The following ANXA8 variants were observed in gnomAD, a reference collection of about 807,000 sequenced individuals.
The protein encoded by ANXA8 is annexin A8, also known as VAC-beta.
Under a neutral mutation model 26.8 loss-of-function variants are expected in ANXA8, and 9 were observed. That is an observed-to-expected ratio of 0.34 (90% CI 0.20 to 0.59). The LOEUF (loss-of-function observed/expected upper bound fraction) is 0.59, where lower values mean the gene tolerates loss of function less well. Ranked by LOEUF, ANXA8 falls within the 20% of genes least tolerant of loss-of-function variation. The probability of loss-of-function intolerance (pLI) is 0.84; values close to 1 mark genes in which losing one functional copy is unlikely to be tolerated. For synonymous variants in ANXA8, 39 were observed against 94.8 expected (o/e 0.41, Z 3.42); for missense variants, 83 against 238.5 (o/e 0.35, Z 4.29).
chr10:47,637,525 A>T, the ANXA8 span, among the ~76,000 whole-genome samples: 1 of 143,592 alleles, frequency 7.0e-6, no homozygotes, highest in African/African-American at 2.8e-5. Context: ...AAAGCACATT[A>T]ATCTGGAAGC....
chr10:47,649,789 C>T, the ANXA8 span, among the ~76,000 whole-genome samples: 1 of 139,566 alleles, frequency 7.2e-6, no homozygotes, highest in African/African-American at 2.8e-5. Context: ...AGTACAGTGG[C>T]GCCATCATGG....
chr10:47,506,438 C>T, the ANXA8 span, among the ~76,000 whole-genome samples: 1 of 137,650 alleles, frequency 7.3e-6, no homozygotes, highest in Non-Finnish European at 1.5e-5. Context: ...TCAAGTGATT[C>T]TCCTGCCTCA....
At chr10:47,552,810 G>T in the ANXA8 span, among the ~76,000 whole-genome samples, 112 of 151,958 alleles carry the variant, frequency 7.4e-4, 3 homozygotes, top group African/African-American at 2.7e-3. Context: ...ATAAATGTTT[G>T]TGTCTGTCTA....
chr10:47,733,253 T>G, the ANXA8 span, among the ~76,000 whole-genome samples: 603 of 102,186 alleles, frequency 5.9e-3, 3 homozygotes, highest in African/African-American at 0.023. Flanking sequence ...CTTTCTTTCT[T>G]TCTTTCTTTC....
the ANXA8 span, among the ~76,000 whole-genome samples, chr10:47,700,179 C>G: frequency 6.6e-6 from 1 of 151,698 alleles, no homozygotes; most frequent in East Asian, 1.9e-4. Context: ...AACAGACATG[C>G]AAGAATAGCT....
chr10:47,900,666 GTTT>G, the ANXA8 span, among the ~76,000 whole-genome samples: 4 of 105,600 alleles, frequency 3.8e-5, no homozygotes, highest in Non-Finnish European at 3.9e-5. Flanking sequence ...TGATAAAATG[GTTT>G]TTTTTTTTTT....
the ANXA8 span, among the ~76,000 whole-genome samples, chr10:47,951,549 C>T: frequency 2.0e-5 from 3 of 150,640 alleles, no homozygotes; most frequent in Admixed American, 6.6e-5. Context: ...CATGCTCACG[C>T]CTGTAATCCC....
the ANXA8 span, chr10:47,715,647 T>G: frequency 6.5e-7 from 1 of 1,532,620 alleles, no homozygotes; most frequent in Non-Finnish European, 8.8e-7. Flanking sequence ...TGTTTTTGTT[T>G]AAGGTTATAT....
At chr10:47,565,942 C>G in the ANXA8 span, 1 of 1,494,688 alleles carries the variant, frequency 6.7e-7, no homozygotes, top group Non-Finnish European at 8.8e-7. Flanking sequence ...TGGAGGGGCG[C>G]GCGCGCGGCG....
the ANXA8 span, chr10:47,590,379 A>G: frequency 2.0e-5 from 3 of 146,828 alleles, 1 homozygote; most frequent in Non-Finnish European, 2.9e-5. Context: ...TGGGGCCCAT[A>G]CTTGGCCTCT....
chr10:47,981,891 T>A, the ANXA8 span, among the ~76,000 whole-genome samples: 1 of 152,082 alleles, frequency 6.6e-6, no homozygotes, highest in African/African-American at 2.4e-5. Flanking sequence ...CAATCTTGAT[T>A]GAAAGATTGT....
At chr10:47,720,455 A>G in the ANXA8 span, among the ~76,000 whole-genome samples, 13 of 147,138 alleles carry the variant, frequency 8.8e-5, 2 homozygotes, top group African/African-American at 3.3e-4. Context: ...AGCTAGTAAG[A>G]CATTTAAGCT....
the ANXA8 span, among the ~76,000 whole-genome samples, chr10:47,949,003 T>A: frequency 7.2e-6 from 1 of 139,406 alleles, no homozygotes; most frequent in East Asian, 2.3e-4. Flanking sequence ...CAGCTTTTTA[T>A]GAGTCTTGAG....
In ANXA8 at chr10:47,468,824, C is replaced by T; in HGVS notation, c.*23G>A. ...GTCCTGGAGACTCTGGCTTCATGGT[C>T]TTTGCTCTTGTTCTTCTGTGCCTCA... is the stretch of plus-strand genomic sequence containing the variant. On this transcript the variant is annotated 3_prime_UTR_variant, in exon 12 of 12. Transcript: ENST00000585281. The T allele has an allele frequency of 6.2e-7, 1 of 1,609,264 alleles. No homozygotes were observed. The highest frequency in any genetic ancestry group is 8.5e-7 in the Non-Finnish European group (1 of 1,179,248).
At chr10:47,502,215 G>A in the ANXA8 span, 1 of 1,560,440 alleles carries the variant, frequency 6.4e-7, no homozygotes, top group Non-Finnish European at 8.7e-7. Context: ...GCTGCTCCAG[G>A]ACCACATTCC....
the ANXA8 span, among the ~76,000 whole-genome samples, chr10:47,493,565 C>T: frequency 6.7e-6 from 1 of 150,096 alleles, no homozygotes; most frequent in South Asian, 2.1e-4. Flanking sequence ...ACCCCACAGA[C>T]CCCCTCCTCA....
chr10:47,653,505 G>A, the ANXA8 span, among the ~76,000 whole-genome samples: 2 of 151,810 alleles, frequency 1.3e-5, no homozygotes, highest in Admixed American at 6.5e-5. Context: ...AATAACTCCA[G>A]TAGTTCTGGA....
the ANXA8 span, among the ~76,000 whole-genome samples, chr10:47,931,404 T>A: frequency 9.2e-6 from 1 of 108,802 alleles, no homozygotes; most frequent in Admixed American, 1.0e-4. Flanking sequence ...GGAGGGAGAG[T>A]CAATCTGAAG....
chr10:47,703,428 T>C, the ANXA8 span, among the ~76,000 whole-genome samples: 10 of 150,634 alleles, frequency 6.6e-5, no homozygotes, highest in African/African-American at 2.2e-4. Flanking sequence ...ATTAACCAGG[T>C]TTGGAGGTGT....
Sources: gnomAD v4.1 joint callset for allele counts (sites outside exome capture counted in the v4.1 genomes callset) on GRCh38, gnomAD v4.1.1 for gene constraint, MANE v1.5 for transcripts, NCBI Gene and HGNC (gene_info 2026-07-23, HGNC 2026-07-21) for gene names.